ARHGAP29: variants seen among roughly 807,000 people sequenced by gnomAD.
The protein encoded by ARHGAP29 is rho GTPase-activating protein 29.
ARHGAP29 carries 43 observed loss-of-function variants against 122.6 expected under a neutral mutation model. The ratio of observed to expected loss-of-function variants is 0.35; its 90% confidence interval spans 0.27 to 0.45. The LOEUF is 0.45. ARHGAP29 is among the 20% of genes least tolerant of loss of function. The pLI, the probability that ARHGAP29 is intolerant of heterozygous loss-of-function variation, is 1.00. For missense variants in ARHGAP29, 1,303 were observed against 1,477.2 expected, an observed-to-expected ratio of 0.88 and a Z score of 1.93; for synonymous variants, 506 against 497.1, an observed-to-expected ratio of 1.02 and a Z score of -0.24.
At position 94,174,400 on chromosome 1, in the gene ARHGAP29, A is replaced by G; in HGVS notation, c.3255T>C (p.Tyr1085=). 2 of 1,614,206 alleles carry G rather than the reference A, an allele frequency of 1.2e-6. No individual in the cohort carries two copies. Among genetic ancestry groups the G allele is most frequent in the Non-Finnish European group, 8.5e-7 (1 of 1,180,034 alleles). Residue 1085 remains tyrosine, a synonymous_variant, in exon 23 of 23, where the codon TAT becomes TAC. Transcript: ENST00000260526. ...TCTTGGCAGTTAGGCTGTTTTGTTC[A>G]TACTGTTTGTCCTGAATTTTCTGTA... is the stretch of plus-strand genomic sequence containing the variant. ...QTLQKIQDKQ[Y]EQNSLTAKTT... is the part of the protein sequence containing the mutation.
chr1:94,278,175 T>A (rs1655248633), upstream of ARHGAP29, among the ~76,000 whole-genome samples: 1 of 151,994 alleles, frequency 6.6e-6, no homozygotes, highest in Non-Finnish European at 1.5e-5. Flanking sequence ...TTTAAAAAGC[T>A]AAGTGTGGTG....
intron 6 of ARHGAP29, 49 bp from the exon 7 acceptor site, chr1:94,205,247 A>G (rs1286065306): frequency 2.9e-6 from 4 of 1,390,776 alleles, no homozygotes; most frequent in Admixed American, 2.6e-5. Context: ...TGATCACATC[A>G]TAACTCCAAA....
Position 94,177,614 on chromosome 1 carries a change from C to T in ARHGAP29, c.2903G>A (p.Ser968Asn). 1 of 1,608,236 alleles carries T rather than the reference C, an allele frequency of 6.2e-7. No individual in the cohort carries two copies. The highest frequency in any genetic ancestry group is 1.1e-5 in the South Asian group (1 of 89,858). The change falls in exon 22 of 23, where the codon AGT becomes AAT. Residue 968 changes from serine to asparagine, a missense_variant and splice_region_variant. Around this residue, in one of 3 missense-constraint regions of ARHGAP29, gnomAD observed 620 missense variants for 651.2 expected, o/e 0.95. Transcript: ENST00000260526. ...TTTTTTTTTACATGGCTACTCACCA[C>T]TGAGACATGCATCACATTTTCCTAA... is the stretch of plus-strand genomic sequence containing the variant. ...NALGKCDACL[S>N]DKAQLLLDQE...
In ARHGAP29 at chr1:94,247,527, C is replaced by A. The variant is rs552540290; in HGVS notation, c.-32-15884G>T. Among the ~76,000 whole-genome samples, 85 of 151,556 alleles carry A rather than the reference C, an allele frequency of 5.6e-4. 1 individual carries two copies. In the South Asian group the frequency reaches 6.6e-3, roughly 12 times the overall value. ...GGCGACCCCAGCCCGGAGCCACCAC[C>A]GCCGCGGCCGAAGCGAGCGCCACCT... is the stretch of plus-strand genomic sequence containing the variant. On this transcript the variant is annotated intron_variant and NMD_transcript_variant, in intron 1 of 25. Coordinates refer to the ARHGAP29 transcript ENST00000552844.
upstream of ARHGAP29, among the ~76,000 whole-genome samples, chr1:94,240,759 G>C (rs1014648509): frequency 6.6e-6 from 1 of 151,970 alleles, no homozygotes; most frequent in Non-Finnish European, 1.5e-5. Flanking sequence ...TCAGCCATTC[G>C]GTGCAGCCTT....
At chr1:94,177,570 T>A (rs1303846586) in intron 22 of ARHGAP29, 42 bp downstream of exon 22, 2 of 1,516,340 alleles carry the variant, frequency 1.3e-6, no homozygotes, top group African/African-American at 2.8e-5. Flanking sequence ...CTGGTAAAAT[T>A]TTAAGCCAGC....
intron 1 of ARHGAP29, among the ~76,000 whole-genome samples, chr1:94,253,740 G>A (rs986046719): frequency 6.6e-6 from 1 of 152,156 alleles, no homozygotes; most frequent in African/African-American, 2.4e-5. Context: ...GAGCCCAATG[G>A]AAACATTACT....
chr1:94,205,422 A>G (rs1651129017), intron 6 of ARHGAP29, among the ~76,000 whole-genome samples: 1 of 152,160 alleles, frequency 6.6e-6, no homozygotes, highest in Non-Finnish European at 1.5e-5. Flanking sequence ...ATCAAGTTAA[A>G]AGCTTTACAC....
At chr1:94,284,506 A>G in the ARHGAP29 span, among the ~76,000 whole-genome samples, 2 of 152,224 alleles carry the variant, frequency 1.3e-5, no homozygotes, top group African/African-American at 2.4e-5. Context: ...ACTTTGGCCA[A>G]TGAAATGTGA....
chr1:94,202,497 G>C (rs761120413), intron 11 of ARHGAP29, 47 bp downstream of exon 11: 1 of 1,603,608 alleles, frequency 6.2e-7, no homozygotes, highest in Admixed American at 1.7e-5. Flanking sequence ...ACTCCTGGCA[G>C]ATTACCGCTA....
chr1:94,208,770 C>A, intron 5 of ARHGAP29, 62 bp downstream of exon 5: 3 of 1,528,824 alleles, frequency 2.0e-6, no homozygotes, highest in Non-Finnish European at 2.7e-6. Context: ...TAAGATTAGG[C>A]AATAGTTGAA....
intron 11 of ARHGAP29, 57 bp from the exon 12 acceptor site, chr1:94,201,914 T>A: frequency 7.1e-7 from 1 of 1,415,316 alleles, no homozygotes; most frequent in Non-Finnish European, 9.5e-7. Context: ...TAAACAAATA[T>A]TTACTATAGT....
At chr1:94,295,129 G>C in the ARHGAP29 span, among the ~76,000 whole-genome samples, 1 of 152,214 alleles carries the variant, frequency 6.6e-6, no homozygotes, top group African/African-American at 2.4e-5. Flanking sequence ...GGGCCAACTA[G>C]AAGGATTGGA....
At chr1:94,311,557 T>C in the ARHGAP29 span, among the ~76,000 whole-genome samples, 1 of 152,292 alleles carries the variant, frequency 6.6e-6, no homozygotes, top group East Asian at 1.9e-4. Context: ...AAATGGGGTC[T>C]GGAGTTTGGT....
upstream of ARHGAP29, among the ~76,000 whole-genome samples, chr1:94,242,232 C>G (rs1653616687): frequency 6.6e-6 from 1 of 152,098 alleles, no homozygotes; most frequent in African/African-American, 2.4e-5. Context: ...TTTTCATCAG[C>G]CAGAGTAGAG....
At chr1:94,307,110 T>A in the ARHGAP29 span, among the ~76,000 whole-genome samples, 3 of 152,230 alleles carry the variant, frequency 2.0e-5, no homozygotes, top group Non-Finnish European at 4.4e-5. Context: ...ACCTTCATTT[T>A]TTTTCCCCTT....
chr1:94,308,071 G>C, the ARHGAP29 span, among the ~76,000 whole-genome samples: 2 of 152,136 alleles, frequency 1.3e-5, no homozygotes, highest in Non-Finnish European at 2.9e-5. Context: ...CTGGCACAAA[G>C]TATGTGCTCT....
chr1:94,253,473 T>C (rs2100699803), intron 1 of ARHGAP29, among the ~76,000 whole-genome samples: 1 of 152,326 alleles, frequency 6.6e-6, no homozygotes, highest in South Asian at 2.1e-4. Context: ...TACTAACATG[T>C]TTAAATATGA....
In ARHGAP29 at chr1:94,170,633, A is replaced by T. The variant is rs1181032908; in HGVS notation, c.*3236T>A. 6.6e-6 allele frequency among the ~76,000 whole-genome samples: 1 copy of T among 152,208 alleles called. No homozygotes were observed. The highest frequency in any genetic ancestry group is 1.9e-4 in the East Asian group (1 of 5,200). ...GTAGGAATGCCCTTGTCTTAAGGAA[A>T]CACACAGTAGATAGAGGTAATAATG... On this transcript the variant is annotated 3_prime_UTR_variant, in exon 23 of 23. Coordinates refer to ENST00000260526, the MANE Select transcript of ARHGAP29 (RefSeq NM_004815.4).
Sources: gnomAD v4.1 joint callset for allele counts (sites outside exome capture counted in the v4.1 genomes callset) on GRCh38, gnomAD v4.1.1 for gene constraint, gnomAD v4.1.1 regional missense constraint, MANE v1.5 for transcripts, NCBI Gene and HGNC (gene_info 2026-07-23, HGNC 2026-07-21) for gene names.